Variants in SYNE1 observed in about 807,000 individuals in gnomAD.
SYNE1 encodes the protein spectrin repeat containing nuclear envelope protein 1.
Under a neutral mutation model 1,111.0 loss-of-function variants are expected in SYNE1, and 616 were observed. The observed-to-expected ratio is 0.55, with a 90% CI of 0.52 to 0.59. The LOEUF is 0.59. Ranked by LOEUF, SYNE1 falls within the 20% of genes least tolerant of loss-of-function variation. SYNE1 has a pLI of 0.00. For missense variants in SYNE1, 10,006 were observed against 10,417.0 expected, an observed-to-expected ratio of 0.96 and a Z score of 1.72; for synonymous variants, 3,855 against 3,825.8, an observed-to-expected ratio of 1.01 and a Z score of -0.28.
At position 152,317,266 on chromosome 6, in the gene SYNE1, C is replaced by T. The variant is rs79682415; in HGVS notation, c.16573-280G>A. 4.6e-3 allele frequency among the ~76,000 whole-genome samples: 678 copies of T among 148,426 alleles called. 5 individuals carry two copies. Among genetic ancestry groups the T allele is most frequent in the African/African-American group, 0.016 (654 of 39,898 alleles). On this transcript the variant is annotated intron_variant, in intron 86 of 145. Transcript: ENST00000367255. ...TTTTTTTTCCAAGGTCTTACTGTCA[C>T]CCCGGCTGGAATGCAGCAGCTGGAT... is the stretch of plus-strand genomic sequence containing the variant.
At chr6:152,542,469 T>G (rs1733386470) in intron 3 of SYNE1, among the ~76,000 whole-genome samples, 1 of 152,156 alleles carries the variant, frequency 6.6e-6, no homozygotes, top group South Asian at 2.1e-4. Flanking sequence ...CACTTGATAT[T>G]TTAATTATCA....
At chr6:152,607,486 A>G (rs2099619261) in intron 3 of SYNE1, among the ~76,000 whole-genome samples, 1 of 152,152 alleles carries the variant, frequency 6.6e-6, no homozygotes, top group African/African-American at 2.4e-5. Flanking sequence ...CAAAAACACA[A>G]TGAGATATCA....
chr6:152,431,359 GATCC>G, intron 34 of SYNE1, among the ~76,000 whole-genome samples: 1 of 152,164 alleles, frequency 6.6e-6, no homozygotes, highest in East Asian at 1.9e-4. Flanking sequence ...TGAGGCTGCT[GATCC>G]AGGGACCTCA....
intron 2 of SYNE1, among the ~76,000 whole-genome samples, chr6:152,633,192 G>A (rs2099700800): frequency 6.6e-6 from 1 of 152,192 alleles, no homozygotes; most frequent in Admixed American, 6.5e-5. Context: ...GTGAAGCTAG[G>A]CATTGGGATG....
intron 4 of SYNE1, among the ~76,000 whole-genome samples, chr6:152,534,302 C>T (rs78913023): frequency 0.03 from 4,605 of 151,992 alleles, 257 homozygotes; most frequent in African/African-American, 0.11. Flanking sequence ...TTTGTGAGAT[C>T]TAGATCTTTG....
rs550671256 is a variant in SYNE1 at position 152,298,101 on chromosome 6, T to C, written c.17682+2540A>G. The stretch of plus-strand genomic sequence containing the variant: ...CTAAGGAAATAAATTTGGACAACTG[T>C]AGCTACTATTTGATCAGTATTTTCT... On this transcript the variant is annotated intron_variant, in intron 93 of 145. Coordinates refer to ENST00000367255, the MANE Select transcript of SYNE1 (RefSeq NM_182961.4). Among the ~76,000 whole-genome samples the C allele has an allele frequency of 3.9e-5, 6 of 152,358 alleles. No homozygotes were observed. In the South Asian group the frequency reaches 1.2e-3, roughly 32 times the overall value.
At chr6:152,307,025 A>G (rs896272404) in intron 91 of SYNE1, among the ~76,000 whole-genome samples, 1 of 152,174 alleles carries the variant, frequency 6.6e-6, no homozygotes, top group African/African-American at 2.4e-5. Flanking sequence ...GTACCATGAT[A>G]GAAGAGTTGT....
intron 59 of SYNE1, 53 bp from the exon 60 acceptor site, chr6:152,369,667 C>T: frequency 6.2e-7 from 1 of 1,601,596 alleles, no homozygotes. Context: ...ATAGCAAGTC[C>T]AAGGTCCTTC....
At chr6:152,164,383 T>G in intron 130 of SYNE1, 58 bp from the exon 131 acceptor site, 48 of 1,599,268 alleles carry the variant, frequency 3.0e-5, no homozygotes, top group Middle Eastern at 1.9e-4. Context: ...CATGTTTCTC[T>G]AGCGTGCAGA....
intron 16 of SYNE1, among the ~76,000 whole-genome samples, chr6:152,469,147 T>A (rs753917520): frequency 2.0e-5 from 3 of 152,042 alleles, no homozygotes; most frequent in Non-Finnish European, 4.4e-5. Context: ...CTGACTTTGG[T>A]GATTTGTGAT....
chr6:152,318,125 G>T lies in SYNE1; in HGVS notation c.16528C>A (p.Gln5510Lys), dbSNP rs544817593. 17 of 1,614,210 alleles carry T rather than the reference G, an allele frequency of 1.1e-5. No individual in the cohort carries two copies. In the African/African-American group the frequency reaches 1.7e-4, roughly 16 times the overall value. Residue 5510 changes from glutamine to lysine, a missense_variant, in exon 86 of 146, where the codon CAG (glutamine) becomes AAG (lysine). Coordinates refer to ENST00000367255, the MANE Select transcript of SYNE1 (RefSeq NM_182961.4). ...KIGKLTELHQ[Q>K]TIRQAENRLS... is the part of the protein sequence containing the mutation. Reference sequence around the variant, plus strand: ...CGATTCTCAGCTTGTCTAATGGTCTGCTGGTGAAGTTCAGTCAGTTTTCCT... The same window carrying T: ...CGATTCTCAGCTTGTCTAATGGTCTTCTGGTGAAGTTCAGTCAGTTTTCCT...
At chr6:152,357,022 A>C (rs939307723) in intron 66 of SYNE1, among the ~76,000 whole-genome samples, 2 of 152,166 alleles carry the variant, frequency 1.3e-5, no homozygotes, top group Admixed American at 1.3e-4. Flanking sequence ...TAGTCAAATA[A>C]ATTACAACAG....
intron 10 of SYNE1, among the ~76,000 whole-genome samples, chr6:152,502,113 T>C (rs2099033083): frequency 6.6e-6 from 1 of 152,168 alleles, no homozygotes; most frequent in Non-Finnish European, 1.5e-5. Context: ...CATATGTAAT[T>C]TGAGCAGCAT....
At chr6:152,277,317 G>T (rs1320355066) in intron 98 of SYNE1, among the ~76,000 whole-genome samples, 3 of 114,646 alleles carry the variant, frequency 2.6e-5, no homozygotes, top group South Asian at 2.8e-4. Context: ...TTGCTCTGTC[G>T]CCCAGACTGG....
chr6:152,452,991 T>C (rs978021332), intron 25 of SYNE1, among the ~76,000 whole-genome samples: 1 of 152,246 alleles, frequency 6.6e-6, no homozygotes, highest in African/African-American at 2.4e-5. Flanking sequence ...TCCAAGTGGT[T>C]CCACCTCCCT....
At position 152,326,001 on chromosome 6, in the gene SYNE1, G is replaced by A. The variant is rs201124777; in HGVS notation, c.15395C>T (p.Thr5132Ile). Residue 5132 changes from threonine to isoleucine, a missense_variant, in exon 80 of 146, where the codon ACT becomes ATT. Thr to Ile is a moderately conservative substitution (Grantham distance 89, BLOSUM62 -1). Around this residue, in one of 7 missense-constraint regions of SYNE1, gnomAD observed 4,955 missense variants for 5,017.2 expected, o/e 0.99. Transcript: ENST00000367255. ...TTCTTCCGCTTCATGACTAGACGAA[G>A]TCTTCAACAAAGAAAACTCAGACAA... ...KKLSEFSLLK[T>I]SSSHEAEEKL... 4 of 1,614,138 alleles carry A rather than the reference G, an allele frequency of 2.5e-6. No individual in the cohort carries two copies. In the African/African-American group the frequency reaches 4.0e-5, roughly 16 times the overall value.
At chr6:152,588,048 A>T (rs2099546286) in intron 3 of SYNE1, among the ~76,000 whole-genome samples, 1 of 152,184 alleles carries the variant, frequency 6.6e-6, no homozygotes, top group African/African-American at 2.4e-5. Flanking sequence ...TTAGACATAG[A>T]TGCCGTAAAA....
intron 34 of SYNE1, among the ~76,000 whole-genome samples, chr6:152,432,021 A>G (rs1027195720): frequency 6.6e-6 from 1 of 152,182 alleles, no homozygotes; most frequent in Non-Finnish European, 1.5e-5. Context: ...GCTCTTAGTT[A>G]TTAGAGTAAT....
rs1450083457 is a variant in SYNE1, at chr6:152,500,468, A to G, written c.889-1676T>C. ...GTTCCCTGAACTTATTGTTTTTAAG[A>G]AGCTAACATATTTCTATCAAATGCC... On this transcript the variant is annotated intron_variant, in intron 10 of 145. Transcript: ENST00000367255. Among the ~76,000 whole-genome samples the G allele has an allele frequency of 5.9e-5, 9 of 152,300 alleles. No individual in the cohort carries two copies. In the East Asian group the frequency reaches 9.6e-4, roughly 16 times the overall value.
Sources: allele counts gnomAD v4.1 joint callset (sites outside exome capture counted in the v4.1 genomes callset), GRCh38; gene constraint gnomAD v4.1.1; regional missense constraint gnomAD v4.1.1; transcripts MANE v1.5; gene names NCBI Gene and HGNC (gene_info 2026-07-23, HGNC 2026-07-21).